VPS13B: variants seen among roughly 807,000 people sequenced by gnomAD.
The protein encoded by VPS13B is vacuolar protein sorting 13 homolog B.
In VPS13B, 285 loss-of-function variants were observed where a neutral mutation model predicts 426.4. The ratio of observed to expected loss-of-function variants is 0.67; its 90% CI spans 0.61 to 0.74. VPS13B has a LOEUF of 0.74. Among genes scored for constraint, VPS13B ranks in the 30% least tolerant of loss-of-function variants. VPS13B has a pLI of 0.00. For missense variants in VPS13B, 4,537 were observed against 4,782.6 expected (o/e 0.95, Z 1.51); for synonymous variants, 1,676 against 1,676.4 (o/e 1.00, Z 0.01).
At chr8:99,245,587 G>C (rs1817171492) in intron 17 of VPS13B, among the ~76,000 whole-genome samples, 1 of 152,186 alleles carries the variant, frequency 6.6e-6, no homozygotes, top group Non-Finnish European at 1.5e-5. Flanking sequence ...TCAAGACAGA[G>C]TCTTGCTCTG....
At chr8:99,473,891 C>T (rs1819544755) in intron 24 of VPS13B, among the ~76,000 whole-genome samples, 1 of 152,118 alleles carries the variant, frequency 6.6e-6, no homozygotes, top group Non-Finnish European at 1.5e-5. Context: ...ATCAACTTCA[C>T]TCTTTACTAA....
intron 22 of VPS13B, among the ~76,000 whole-genome samples, chr8:99,441,829 G>A (rs1177198720): frequency 6.6e-6 from 1 of 152,006 alleles, no homozygotes; most frequent in African/African-American, 2.4e-5. Flanking sequence ...CTATTATGAT[G>A]TATTTATGTA....
intron 21 of VPS13B, among the ~76,000 whole-genome samples, chr8:99,400,918 C>T (rs1484230558): frequency 6.6e-6 from 1 of 152,202 alleles, no homozygotes; most frequent in East Asian, 1.9e-4. Flanking sequence ...GTGATCCGTC[C>T]ATCTCGGCCT....
rs2133668051 is a variant in VPS13B, at chr8:99,520,889, T to C, written c.4634-10T>C. 1 of 1,612,512 alleles carries C rather than the reference T, an allele frequency of 6.2e-7. No homozygotes were observed. The highest frequency in any genetic ancestry group is 2.2e-5 in the East Asian group (1 of 44,840). On this transcript the variant is annotated splice_polypyrimidine_tract_variant and intron_variant, in intron 29 of 61. Coordinates refer to ENST00000357162, the MANE Select transcript of VPS13B (RefSeq NM_152564.5). ...ACAGTGTATTCATGAATCTCCTTCT[T>C]TTGTTACAGCTAATCAGGCAGCAAA... is the stretch of plus-strand genomic sequence containing the variant.
chr8:99,614,845 C>A (rs191319884), intron 33 of VPS13B, among the ~76,000 whole-genome samples: 1 of 151,980 alleles, frequency 6.6e-6, no homozygotes. Context: ...CAGCCAGATG[C>A]GGTGGCTCAC....
chr8:99,796,187 GA>G (rs1812802129), intron 43 of VPS13B, among the ~76,000 whole-genome samples: 1 of 152,084 alleles, frequency 6.6e-6, no homozygotes, highest in Non-Finnish European at 1.5e-5. Context: ...TAAGGGAACT[GA>G]GTGAGGTAAG....
chr8:99,406,699 G>A (rs926750086), intron 21 of VPS13B, among the ~76,000 whole-genome samples: 1 of 152,182 alleles, frequency 6.6e-6, no homozygotes, highest in African/African-American at 2.4e-5. Flanking sequence ...TGTGCTAGTG[G>A]GTTGGGGAAT....
In VPS13B at chr8:99,581,032, A is replaced by C. The variant is rs945436845; in HGVS notation, c.5220+3399A>C. Among the ~76,000 whole-genome samples the C allele has an allele frequency of 1.4e-4, 10 of 72,474 alleles. No individual in the cohort carries two copies. In the East Asian group the frequency reaches 3.1e-3, roughly 22 times the overall value. 47.5% of individuals were successfully genotyped at this position (72,474 alleles called of 152,430 possible). A position where few individuals can be genotyped will look rare whatever the true frequency, so the allele number is the denominator to read the frequency against. On this transcript the variant is annotated intron_variant, in intron 33 of 61. Transcript: ENST00000357162. ...ACACACACACACACACACACACACA[A>C]ATTAGGCAGGCATGGTGGCATGTGC...
chr8:99,195,355 C>T (rs1813855622), intron 17 of VPS13B, among the ~76,000 whole-genome samples: 1 of 152,158 alleles, frequency 6.6e-6, no homozygotes, highest in South Asian at 2.1e-4. Context: ...TTGCATTGTT[C>T]AGGAACCCGT....
chr8:99,659,968 G>T (rs1830162034), intron 34 of VPS13B, among the ~76,000 whole-genome samples: 1 of 152,120 alleles, frequency 6.6e-6, no homozygotes, highest in South Asian at 2.1e-4. Context: ...CCTACAAACT[G>T]GTTGTAGATC....
intron 3 of VPS13B, among the ~76,000 whole-genome samples, chr8:99,093,133 A>C (rs1203877846): frequency 1.3e-5 from 2 of 152,058 alleles, no homozygotes; most frequent in Non-Finnish European, 2.9e-5. Context: ...GTAGAGAGAT[A>C]ATTAAATCAA....
chr8:99,157,209 T>C (rs1415245243), intron 15 of VPS13B, among the ~76,000 whole-genome samples: 1 of 152,038 alleles, frequency 6.6e-6, no homozygotes, highest in Non-Finnish European at 1.5e-5. Flanking sequence ...TACAGGCATA[T>C]GCCATTTTAT....
chr8:99,084,312 T>C (rs540607948), intron 3 of VPS13B, among the ~76,000 whole-genome samples: 9 of 152,336 alleles, frequency 5.9e-5, no homozygotes, highest in Admixed American at 1.3e-4. Flanking sequence ...CCCTTTATCA[T>C]ATTTTATTGC....
intron 39 of VPS13B, among the ~76,000 whole-genome samples, chr8:99,751,091 A>G (rs1245819576): frequency 6.6e-6 from 1 of 152,184 alleles, no homozygotes; most frequent in African/African-American, 2.4e-5. Context: ...CCAGAATACC[A>G]GAGGTCAACT....
rs567181518 is a variant in VPS13B, at chr8:99,760,540, A to G, written c.7051-6234A>G. Reference sequence around the variant, plus strand: ...GGATTTTATCCGAAGTGTGACACCAATGACTTTTTTTTTTGTAGGATGGAG... The same window carrying G: ...GGATTTTATCCGAAGTGTGACACCAGTGACTTTTTTTTTTGTAGGATGGAG... On this transcript the variant is annotated intron_variant, in intron 39 of 61. Transcript: ENST00000357162. Among the ~76,000 whole-genome samples, 85 of 152,270 alleles carry G rather than the reference A, an allele frequency of 5.6e-4. No individual in the cohort carries two copies. The South Asian group carries it at 0.015, about 27-fold the overall frequency.
At chr8:99,720,574 A>G in intron 38 of VPS13B, 22 bp downstream of exon 38, 1 of 1,604,026 alleles carries the variant, frequency 6.2e-7, no homozygotes, top group Non-Finnish European at 8.5e-7. Context: ...CAGACTCAGT[A>G]TGAGAGTGTC....
At chr8:99,325,482 T>C (rs1018507623) in intron 19 of VPS13B, among the ~76,000 whole-genome samples, 1 of 152,220 alleles carries the variant, frequency 6.6e-6, no homozygotes, top group East Asian at 1.9e-4. Context: ...TTCATTGTTA[T>C]TTGTTCTTCA....
chr8:99,626,300 C>T (rs1588563520), intron 33 of VPS13B, among the ~76,000 whole-genome samples: 1 of 152,086 alleles, frequency 6.6e-6, no homozygotes, highest in Non-Finnish European at 1.5e-5. Context: ...ATGGATGAGC[C>T]CTGTAAACAT....
chr8:99,763,137 A>G lies in VPS13B; in HGVS notation c.7051-3637A>G, dbSNP rs113839440. ...GGCAACAGAGTGAGACCTTGTCTCA[A>G]AAAAAAAAAAAAAAAAAAAAAAAAA... is the stretch of plus-strand genomic sequence containing the variant. On this transcript the variant is annotated intron_variant, in intron 39 of 61. Transcript: ENST00000357162. Among the ~76,000 whole-genome samples the G allele has an allele frequency of 8.4e-3, 784 of 93,874 alleles. 5 individuals carry two copies. Among genetic ancestry groups the G allele is most frequent in the African/African-American group, 0.024 (668 of 28,086 alleles). The allele number at this position is 93,874 out of a possible 152,430, so 61.6% of individuals were successfully genotyped here.
Sources: gnomAD v4.1 joint callset for allele counts (sites outside exome capture counted in the v4.1 genomes callset) on GRCh38, gnomAD v4.1.1 for gene constraint, MANE v1.5 for transcripts, NCBI Gene and HGNC (gene_info 2026-07-23, HGNC 2026-07-21) for gene names.